The following AGBL1 variants were observed in gnomAD, a reference collection of about 807,000 sequenced individuals.
AGBL1 encodes the protein AGBL carboxypeptidase 1.
Under a neutral mutation model 118.9 loss-of-function variants are expected in AGBL1, and 130 were observed. The ratio of observed to expected loss-of-function variants is 1.09; its 90% confidence interval spans 0.95 to 1.26. The LOEUF (loss-of-function observed/expected upper bound fraction) is 1.26, where lower values mean the gene tolerates loss of function less well. Ranked by LOEUF, AGBL1 falls within the 50% of genes most tolerant of loss-of-function variation. AGBL1 has a pLI of 0.00. For missense variants in AGBL1, 1,584 were observed against 1,298.1 expected (o/e 1.22, Z -3.38); for synonymous variants, 555 against 478.9 (o/e 1.16, Z -2.08).
At chr15:86,430,697 C>T (rs1372725388) in intron 18 of AGBL1, among the ~76,000 whole-genome samples, 2 of 152,106 alleles carry the variant, frequency 1.3e-5, no homozygotes, top group Non-Finnish European at 2.9e-5. Flanking sequence ...AAAGAAAAGG[C>T]ACGCTGAGAA....
chr15:86,712,208 T>C (rs1485460442), intron 22 of AGBL1, among the ~76,000 whole-genome samples: 1 of 152,180 alleles, frequency 6.6e-6, no homozygotes, highest in Non-Finnish European at 1.5e-5. Flanking sequence ...ATTTCCTTGT[T>C]TATCATGGAT....
At chr15:86,459,208 G>A (rs1254863926) in intron 18 of AGBL1, among the ~76,000 whole-genome samples, 1 of 152,108 alleles carries the variant, frequency 6.6e-6, no homozygotes, top group Admixed American at 6.6e-5. Context: ...CAGCTGCAGT[G>A]TTATTGTTTT....
At chr15:86,501,324 A>C (rs966993238) in intron 18 of AGBL1, among the ~76,000 whole-genome samples, 1 of 151,548 alleles carries the variant, frequency 6.6e-6, no homozygotes, top group South Asian at 2.1e-4. Context: ...TGTCTATTCA[A>C]ATATTTTACC....
intron 22 of AGBL1, among the ~76,000 whole-genome samples, chr15:86,771,225 T>C (rs778467909): frequency 9.2e-5 from 14 of 152,108 alleles, no homozygotes; most frequent in South Asian, 4.1e-4. Flanking sequence ...TAGTAGAAAG[T>C]GCTACTATAA....
intron 1 of AGBL1, among the ~76,000 whole-genome samples, chr15:86,108,232 A>G (rs536470245): frequency 2.6e-5 from 4 of 152,246 alleles, no homozygotes; most frequent in Admixed American, 6.5e-5. Flanking sequence ...CATACTTCAC[A>G]TAGAACAGGT....
chr15:86,110,132 G>A (rs141887761), intron 1 of AGBL1, among the ~76,000 whole-genome samples: 12 of 152,316 alleles, frequency 7.9e-5, no homozygotes, highest in South Asian at 2.1e-4. Context: ...CTTTAGCTGC[G>A]TAAGATTTAT....
At chr15:86,219,155 C>T (rs1344262922) in intron 5 of AGBL1, among the ~76,000 whole-genome samples, 3 of 152,268 alleles carry the variant, frequency 2.0e-5, no homozygotes, top group South Asian at 2.1e-4. Flanking sequence ...CTCCAGTGAC[C>T]TCTCCTGACT....
chr15:86,552,251 G>A (rs967177932), intron 20 of AGBL1, among the ~76,000 whole-genome samples: 3 of 152,096 alleles, frequency 2.0e-5, no homozygotes, highest in Non-Finnish European at 2.9e-5. Flanking sequence ...GGGCATATGG[G>A]AAATCCCTGC....
chr15:86,801,911 A>G (rs1375524489), intron 22 of AGBL1, among the ~76,000 whole-genome samples: 1 of 152,164 alleles, frequency 6.6e-6, no homozygotes, highest in Admixed American at 6.6e-5. Flanking sequence ...GGGAGTCAGA[A>G]TCTGGTCAGT....
chr15:86,405,431 G>T (rs1455337311), intron 18 of AGBL1, among the ~76,000 whole-genome samples: 1 of 152,038 alleles, frequency 6.6e-6, no homozygotes, highest in African/African-American at 2.4e-5. Flanking sequence ...CAGGAGAATG[G>T]CATGAACCTG....
chr15:86,946,906 T>C (rs901047036), intron 23 of AGBL1, among the ~76,000 whole-genome samples: 1 of 149,796 alleles, frequency 6.7e-6, no homozygotes, highest in African/African-American at 2.5e-5. Context: ...GGAGGTGAGA[T>C]GGGAGATGGG....
At chr15:86,647,188 CTT>C (rs971761532) in intron 21 of AGBL1, among the ~76,000 whole-genome samples, 1 of 150,986 alleles carries the variant, frequency 6.6e-6, no homozygotes, top group Admixed American at 6.6e-5. Flanking sequence ...ATTTTAATAT[CTT>C]TTTTTTACTG....
intron 21 of AGBL1, among the ~76,000 whole-genome samples, chr15:86,606,285 C>G (rs931842341): frequency 1.3e-5 from 2 of 152,050 alleles, no homozygotes; most frequent in Non-Finnish European, 2.9e-5. Flanking sequence ...TGAAAACATT[C>G]CTTCCACAAT....
At chr15:86,265,762 C>T (rs2079061977) in intron 11 of AGBL1, among the ~76,000 whole-genome samples, 2 of 152,150 alleles carry the variant, frequency 1.3e-5, no homozygotes, top group South Asian at 4.1e-4. Flanking sequence ...GCCTCATGTC[C>T]ACCTTTTCTT....
chr15:86,482,014 C>CAGTA (rs1262399365), intron 18 of AGBL1, among the ~76,000 whole-genome samples: 1 of 152,092 alleles, frequency 6.6e-6, no homozygotes, highest in Non-Finnish European at 1.5e-5. Context: ...GAGATAAGTC[C>CAGTA]AGTAGTCTGC....
Position 86,149,015 on chromosome 15 carries a change from C to A in AGBL1, c.262+5170C>A, listed in dbSNP as rs185773803. Among the ~76,000 whole-genome samples the A allele has an allele frequency of 2.2e-4, 33 of 152,234 alleles. No individual in the cohort carries two copies. In the East Asian group the frequency reaches 6.2e-3, roughly 28 times the overall value. ...AGAATTTTCAACCCAGAATTTCATA[C>A]CCAGCCAAACTATGCTTCGTAAGCA... is the stretch of plus-strand genomic sequence containing the variant. On this transcript the variant is annotated intron_variant, in intron 3 of 22. Transcript: ENST00000614907.
chr15:86,283,132 T>C (rs2079382052), intron 16 of AGBL1, among the ~76,000 whole-genome samples: 1 of 152,106 alleles, frequency 6.6e-6, no homozygotes, highest in Non-Finnish European at 1.5e-5. Flanking sequence ...AGCTCTATTT[T>C]AATCAGCCGT....
intron 17 of AGBL1, among the ~76,000 whole-genome samples, chr15:86,387,768 G>A (rs2141974570): frequency 6.6e-6 from 1 of 152,290 alleles, no homozygotes; most frequent in Non-Finnish European, 1.5e-5. Flanking sequence ...AGAATCCCCA[G>A]TGCGGTGAGT....
At chr15:86,957,694 C>A (rs544417560) in intron 23 of AGBL1, among the ~76,000 whole-genome samples, 1 of 151,874 alleles carries the variant, frequency 6.6e-6, no homozygotes, top group Non-Finnish European at 1.5e-5. Flanking sequence ...ATTAAAGAAG[C>A]TTTTCCAATT....
Sources: allele counts gnomAD v4.1 joint callset (sites outside exome capture counted in the v4.1 genomes callset), GRCh38; gene constraint gnomAD v4.1.1; transcripts MANE v1.5; gene names NCBI Gene and HGNC (gene_info 2026-07-23, HGNC 2026-07-21).